FOCAD: variants seen among roughly 807,000 people sequenced by gnomAD.
FOCAD encodes the protein KIAA1797.
In FOCAD, 198 loss-of-function variants were observed where a neutral mutation model predicts 225.6. The ratio of observed to expected loss-of-function variants is 0.88; its 90% CI spans 0.78 to 0.99. The LOEUF (loss-of-function observed/expected upper bound fraction) is 0.99, where lower values mean the gene tolerates loss of function less well. Ranked by LOEUF, FOCAD falls within the 50% of genes least tolerant of loss-of-function variation. FOCAD has a pLI of 0.00. For synonymous variants in FOCAD, 897 were observed against 755.0 expected (o/e 1.19, Z -3.08); for missense variants, 2,713 against 2,123.6 (o/e 1.28, Z -5.46).
At chr9:20,992,607 G>C (rs1234824944) in intron 42 of FOCAD, among the ~76,000 whole-genome samples, 1 of 152,132 alleles carries the variant, frequency 6.6e-6, no homozygotes, top group Non-Finnish European at 1.5e-5. Flanking sequence ...AGAGTGATGA[G>C]AGATAATGTT....
At chr9:20,857,170 G>A (rs1587415534) in intron 15 of FOCAD, among the ~76,000 whole-genome samples, 1 of 152,130 alleles carries the variant, frequency 6.6e-6, no homozygotes, top group Non-Finnish European at 1.5e-5. Flanking sequence ...TCTATAGATT[G>A]CTTTAAGTAA....
intron 11 of FOCAD, 99 bp downstream of exon 11, chr9:20,789,707 A>C: frequency 6.9e-7 from 1 of 1,452,612 alleles, no homozygotes; most frequent in Non-Finnish European, 9.3e-7. Flanking sequence ...CAGAGTTTTA[A>C]ATTATGGGTT....
intron 2 of FOCAD, among the ~76,000 whole-genome samples, chr9:20,666,050 A>C (rs1821892091): frequency 6.6e-6 from 1 of 152,074 alleles, no homozygotes; most frequent in Non-Finnish European, 1.5e-5. Flanking sequence ...ACCCGCCACC[A>C]CGCCCAGCTA....
chr9:20,917,295 T>G (rs2132089957), intron 24 of FOCAD, among the ~76,000 whole-genome samples: 1 of 152,058 alleles, frequency 6.6e-6, no homozygotes, highest in Non-Finnish European at 1.5e-5. Context: ...CTAATATGAG[T>G]TATGTTGGTA....
intron 11 of FOCAD, among the ~76,000 whole-genome samples, chr9:20,815,299 A>C (rs1397764787): frequency 2.8e-5 from 4 of 144,172 alleles, no homozygotes; most frequent in Non-Finnish European, 6.1e-5. Flanking sequence ...ATACCCAGCT[A>C]ATTTTTGTAG....
At chr9:20,947,501 G>A (rs1296387695) in intron 30 of FOCAD, among the ~76,000 whole-genome samples, 1 of 152,106 alleles carries the variant, frequency 6.6e-6, no homozygotes. Context: ...CAGGAAGGGA[G>A]GAATGGGGAG....
intron 4 of FOCAD, among the ~76,000 whole-genome samples, chr9:20,732,363 C>T (rs577284331): frequency 6.6e-6 from 1 of 152,280 alleles, no homozygotes; most frequent in South Asian, 2.1e-4. Flanking sequence ...TAAAAGTTGT[C>T]TAGGCAAACA....
Position 20,929,503 on chromosome 9 carries a change from G to A in FOCAD, c.3224G>A (p.Gly1075Glu), listed in dbSNP as rs1208615870. The A allele has an allele frequency of 6.2e-7, 1 of 1,614,156 alleles. No individual in the cohort carries two copies. ...ILNMLTARLP[G>E]KPSADESQAV... is the part of the protein sequence containing the mutation. ...AACATGCTGACTGCCAGGTTACCTGGGAAACCAAGTGCTGATGAGTCTCAA... is the reference window on the plus strand; with the variant it reads ...AACATGCTGACTGCCAGGTTACCTGAGAAACCAAGTGCTGATGAGTCTCAA... Residue 1075 changes from glycine (G) to glutamate (E), a missense_variant, in exon 27 of 44, where the codon GGG (glycine) becomes GAG (glutamate). Coordinates refer to ENST00000338382, the MANE Select transcript of FOCAD (RefSeq NM_001375567.1).
At chr9:20,878,632 C>G (rs767969793) in intron 19 of FOCAD, among the ~76,000 whole-genome samples, 2 of 152,130 alleles carry the variant, frequency 1.3e-5, no homozygotes, top group Non-Finnish European at 2.9e-5. Context: ...CTATTTTAGT[C>G]ACATTTCTTC....
At chr9:20,860,967 T>G (rs925183193) in intron 15 of FOCAD, among the ~76,000 whole-genome samples, 7 of 152,238 alleles carry the variant, frequency 4.6e-5, no homozygotes, top group African/African-American at 1.2e-4. Flanking sequence ...TTGTGCTTTT[T>G]GTACCTATAA....
At chr9:20,820,264 T>C (rs1027903355) in intron 12 of FOCAD, 60 bp from the exon 13 acceptor site, 3 of 1,266,804 alleles carry the variant, frequency 2.4e-6, no homozygotes, top group Non-Finnish European at 2.2e-6. Flanking sequence ...ATGCTTTTGG[T>C]AACCTCGAGG....
At chr9:20,878,810 G>T (rs966514291) in intron 19 of FOCAD, among the ~76,000 whole-genome samples, 1 of 152,174 alleles carries the variant, frequency 6.6e-6, no homozygotes, top group African/African-American at 2.4e-5. Flanking sequence ...CAGAACCTGG[G>T]AAGTGGGTGG....
Position 20,764,885 on chromosome 9 carries a change from A to G in FOCAD, c.511A>G (p.Ile171Val), listed in dbSNP as rs1829920334. Residue 171 changes from isoleucine (I) to valine (V), a missense_variant, in exon 7 of 44, where the codon ATT becomes GTT. Coordinates refer to ENST00000338382, the MANE Select transcript of FOCAD (RefSeq NM_001375567.1). Reference protein sequence around the residue: ...QCPERLEVSCIQIMAPFLWYL... With the variant: ...QCPERLEVSCVQIMAPFLWYL... ...GTCTTATAGGTTAGAAGTTTCATGC[A>G]TTCAAATAATGGCACCATTTCTGTG... 6.2e-7 allele frequency: 1 copy of G among 1,613,918 alleles called. No homozygotes were observed. The highest frequency in any genetic ancestry group is 1.1e-5 in the South Asian group (1 of 91,028).
chr9:20,846,381 G>A (rs1827113794), intron 15 of FOCAD, among the ~76,000 whole-genome samples: 1 of 151,986 alleles, frequency 6.6e-6, no homozygotes, highest in Admixed American at 6.6e-5. Context: ...GATGGAAACA[G>A]CCAACATCTG....
Position 20,789,617 on chromosome 9 carries a change from A to G in FOCAD, c.1455+9A>G. ...AAGCAGATTCCTCCCAGGTAAAGCA[A>G]GAGAATAATGGAACAATAATGAGAG... is the stretch of plus-strand genomic sequence containing the variant. On this transcript the variant is annotated intron_variant, in intron 11 of 43. Coordinates refer to ENST00000338382, the MANE Select transcript of FOCAD (RefSeq NM_001375567.1). The G allele has an allele frequency of 1.2e-6, 2 of 1,613,590 alleles. No homozygotes were observed. The highest frequency in any genetic ancestry group is 1.7e-6 in the Non-Finnish European group (2 of 1,179,576).
At chr9:20,875,111 A>C (rs1564099563) in intron 19 of FOCAD, 2 of 294,698 alleles carry the variant, frequency 6.8e-6, no homozygotes, top group Non-Finnish European at 1.2e-5. Context: ...TTGCACTGGT[A>C]CTCTAGGTCA....
chr9:20,786,653 A>G (rs1183265798), intron 10 of FOCAD, among the ~76,000 whole-genome samples: 1 of 152,218 alleles, frequency 6.6e-6, no homozygotes, highest in Non-Finnish European at 1.5e-5. Flanking sequence ...GAAAATCAAT[A>G]TTGTTCACAA....
chr9:20,811,507 AC>A (rs1230854330), intron 11 of FOCAD, among the ~76,000 whole-genome samples: 1 of 152,110 alleles, frequency 6.6e-6, no homozygotes, highest in Admixed American at 6.6e-5. Flanking sequence ...TAGTTTAGAT[AC>A]ATTTCTTTCC....
At chr9:20,801,111 C>T (rs1438625531) in intron 11 of FOCAD, among the ~76,000 whole-genome samples, 1 of 152,098 alleles carries the variant, frequency 6.6e-6, no homozygotes, top group Non-Finnish European at 1.5e-5. Flanking sequence ...GCCGGAGGTC[C>T]ACTCCAGACC....
Sources: gnomAD v4.1 joint callset for allele counts (sites outside exome capture counted in the v4.1 genomes callset) on GRCh38, gnomAD v4.1.1 for gene constraint, MANE v1.5 for transcripts, NCBI Gene and HGNC (gene_info 2026-07-23, HGNC 2026-07-21) for gene names.